The following CD59 variants were observed in gnomAD, a reference collection of about 807,000 sequenced individuals.
CD59 encodes CD59 glycoprotein.
Under a neutral mutation model 7.0 loss-of-function variants are expected in CD59, and 3 were observed. The observed-to-expected ratio is 0.43, with a 90% CI of 0.19 to 1.10. CD59 has a LOEUF of 1.10. Ranked by LOEUF, CD59 falls within the 50% of genes least tolerant of loss-of-function variation. CD59 has a pLI of 0.29. For missense variants in CD59, 143 were observed against 151.0 expected, an observed-to-expected ratio of 0.95 and a Z score of 0.28; for synonymous variants, 60 against 62.0, an observed-to-expected ratio of 0.97 and a Z score of 0.15.
chr11:33,722,317 C>T, intron 2 of CD59, 62 bp downstream of exon 2: 1 of 1,240,020 alleles, frequency 8.1e-7, no homozygotes, highest in Non-Finnish European at 1.2e-6. Flanking sequence ...GAAACTGAGG[C>T]TTAAGAAGGG....
Position 33,736,060 on chromosome 11 carries a change from G to A in CD59, c.-19+322C>T, listed in dbSNP as rs751503378. Among the ~76,000 whole-genome samples the A allele has an allele frequency of 2.0e-5, 3 of 152,170 alleles. No homozygotes were observed. The stretch of plus-strand genomic sequence containing the variant: ...TCTGGACCGCTAGAGCTTCCCTTGA[G>A]ACGAAAGCGATGGCAGGGGCCCGGG... On this transcript the variant is annotated intron_variant, in intron 1 of 3. Coordinates refer to ENST00000642928, the MANE Select transcript of CD59 (RefSeq NM_000611.6). This position sits in a 1 kb window ranked among gnomAD's most constrained non-coding sequence, Gnocchi z 4.4.
intron 3 of CD59, among the ~76,000 whole-genome samples, chr11:33,714,216 G>A (rs116491217): frequency 0.025 from 3,875 of 152,224 alleles, 156 homozygotes; most frequent in African/African-American, 0.088. Flanking sequence ...AACTTACATG[G>A]AATAGCCTAG....
chr11:33,718,074 A>G (rs1294531359), intron 2 of CD59: 1 of 156,576 alleles, frequency 6.4e-6, no homozygotes, highest in Non-Finnish European at 1.4e-5. Context: ...GCTGGACTCA[A>G]TAATTATGTT....
intron 3 of CD59, among the ~76,000 whole-genome samples, chr11:33,715,651 C>T (rs1279020036): frequency 6.6e-6 from 1 of 152,092 alleles, no homozygotes; most frequent in East Asian, 1.9e-4. Context: ...TCCACATCCT[C>T]ACCAGCATCT....
intron 3 of CD59, among the ~76,000 whole-genome samples, chr11:33,712,709 A>G (rs984058265): frequency 6.6e-6 from 1 of 152,242 alleles, no homozygotes; most frequent in African/African-American, 2.4e-5. Context: ...AGTTGCGATA[A>G]GTCATACAAC....
intron 1 of CD59, chr11:33,733,645 T>G (rs1329802848): frequency 6.6e-6 from 1 of 152,082 alleles, no homozygotes; most frequent in Non-Finnish European, 1.5e-5. Flanking sequence ...TTATTAAAAT[T>G]ATTATAGCAA....
At chr11:33,726,026 T>C (rs1410749800) in intron 1 of CD59, among the ~76,000 whole-genome samples, 1 of 152,176 alleles carries the variant, frequency 6.6e-6, no homozygotes, top group Non-Finnish European at 1.5e-5. Context: ...CCTAGACGCA[T>C]AAAGCAAGTT....
chr11:33,719,625 A>C (rs527557850), intron 2 of CD59: 1 of 152,112 alleles, frequency 6.6e-6, no homozygotes, highest in East Asian at 1.9e-4. Flanking sequence ...ATGTCTAAAA[A>C]ATAAATAAAA....
chr11:33,729,017 C>T (rs370120191), intron 1 of CD59, among the ~76,000 whole-genome samples: 7 of 152,328 alleles, frequency 4.6e-5, no homozygotes, highest in Admixed American at 2.0e-4. Flanking sequence ...CAGGAAACAA[C>T]AGATGCTGGA....
chr11:33,709,260 G>C lies in CD59; in HGVS notation c.*866C>G, dbSNP rs1269660351. ...AAGTCTCAAACTGTAACCACAAAGG[G>C]TGTCCCCACTGCATTCATACTATAT... On this transcript the variant is annotated 3_prime_UTR_variant, in exon 4 of 4. Transcript: ENST00000642928. The C allele has an allele frequency of 6.6e-6, 1 of 152,172 alleles. No individual in the cohort carries two copies. Among genetic ancestry groups the C allele is most frequent in the Non-Finnish European group, 1.5e-5 (1 of 68,072 alleles). 9.4% of individuals were successfully genotyped at this position (152,172 alleles called of 1,614,324 possible).
At chr11:33,728,922 C>A (rs1257669484) in intron 1 of CD59, among the ~76,000 whole-genome samples, 1 of 151,988 alleles carries the variant, frequency 6.6e-6, no homozygotes, top group Non-Finnish European at 1.5e-5. Context: ...AAAATGCTCA[C>A]CATCACTGGT....
chr11:33,729,266 T>C (rs2133570171), intron 1 of CD59, among the ~76,000 whole-genome samples: 1 of 152,282 alleles, frequency 6.6e-6, no homozygotes, highest in South Asian at 2.1e-4. Flanking sequence ...CAAATACCCA[T>C]CAATGATAGA....
intron 3 of CD59, among the ~76,000 whole-genome samples, chr11:33,710,781 C>T (rs1158213878): frequency 3.3e-5 from 5 of 150,418 alleles, no homozygotes; most frequent in African/African-American, 1.2e-4. Flanking sequence ...TGGTCTTGAA[C>T]TCCTGGGCTC....
At position 33,717,453 on chromosome 11, in the gene CD59, T is replaced by C; in HGVS notation, c.86A>G (p.Tyr29Cys). ...GTCAGCAGTTGGGTTAGGACAGTTG[T>C]AGCACTGCAGGCTATGACCTAGAAT... is the stretch of plus-strand genomic sequence containing the variant. ...FCHSGHSLQC[Y>C]NCPNPTADCK... The change falls in exon 3 of 4, where the codon TAC (tyrosine) becomes TGC (cysteine). Residue 29 changes from tyrosine to cysteine, a missense_variant. Coordinates refer to ENST00000642928, the MANE Select transcript of CD59 (RefSeq NM_000611.6). 6.2e-7 allele frequency: 1 copy of C among 1,610,400 alleles called. No individual in the cohort carries two copies. The highest frequency in any genetic ancestry group is 8.5e-7 in the Non-Finnish European group (1 of 1,176,672).
In CD59 at chr11:33,708,785, A is replaced by C. The variant is rs1564967770; in HGVS notation, c.*1341T>G. The C allele has an allele frequency of 6.6e-6, 1 of 152,182 alleles. No individual in the cohort carries two copies. The highest frequency in any genetic ancestry group is 1.5e-5 in the Non-Finnish European group (1 of 68,040). 9.4% of individuals were successfully genotyped at this position (152,182 alleles called of 1,614,324 possible). On this transcript the variant is annotated 3_prime_UTR_variant, in exon 4 of 4. Coordinates refer to ENST00000642928, the MANE Select transcript of CD59 (RefSeq NM_000611.6). ...TCTTTCAGTTGCTACCATTAAGCAT[A>C]CTGCATATCCTTTTCGGCCATAACC...
rs1297956420 is a variant in CD59 at position 33,736,334 on chromosome 11, C to CCTCGG, written c.-19+43_-19+47dup. The stretch of plus-strand genomic sequence containing the variant: ...GCCCGGGCCCAGACTGCCGCCGCCA[C>CCTCGG]CTCGGCTCGGCTCACCCAAACCCCA... On this transcript the variant is annotated intron_variant, in intron 1 of 3. Transcript: ENST00000642928. The surrounding 1 kb of genome is among the most constrained non-coding windows in gnomAD (Gnocchi z 4.4). The CCTCGG allele has an allele frequency of 6.6e-6, 1 of 152,560 alleles. No individual in the cohort carries two copies. Among genetic ancestry groups the CCTCGG allele is most frequent in the Non-Finnish European group, 1.5e-5 (1 of 68,288 alleles). 9.5% of individuals were successfully genotyped at this position (152,560 alleles called of 1,614,324 possible). A position where few individuals can be genotyped will look rare whatever the true frequency, so the allele number is the denominator to read the frequency against.
intron 3 of CD59, among the ~76,000 whole-genome samples, chr11:33,712,940 CGTTTAT>C (rs1853627478): frequency 6.6e-6 from 1 of 151,998 alleles, no homozygotes; most frequent in Non-Finnish European, 1.5e-5. Flanking sequence ...GAATACACTT[CGTTTAT>C]GTTTCTATTG....
chr11:33,734,751 A>T (rs149285682), intron 1 of CD59, among the ~76,000 whole-genome samples: 2 of 152,352 alleles, frequency 1.3e-5, no homozygotes, highest in African/African-American at 4.8e-5. Context: ...AGTAAAAAGA[A>T]GTCTTTGCCT....
intron 1 of CD59, 67 bp from the exon 2 acceptor site, chr11:33,722,530 A>C (rs368105535): frequency 6.3e-7 from 1 of 1,591,904 alleles, no homozygotes; most frequent in Non-Finnish European, 8.6e-7. Flanking sequence ...TCAAAAACCA[A>C]GGGCTGGAAG....
Sources: gnomAD v4.1 joint callset for allele counts (sites outside exome capture counted in the v4.1 genomes callset) on GRCh38, gnomAD v4.1.1 for gene constraint, Gnocchi (gnomAD v3.1) non-coding constraint, MANE v1.5 for transcripts, NCBI Gene and HGNC (gene_info 2026-07-23, HGNC 2026-07-21) for gene names.